Variants in HPSE observed in about 807,000 individuals in gnomAD.
HPSE encodes the protein endo-glucoronidase.
HPSE carries 48 observed loss-of-function variants against 65.1 expected under a neutral mutation model. The observed-to-expected ratio is 0.74, with a 90% CI of 0.58 to 0.94. The LOEUF (loss-of-function observed/expected upper bound fraction) is 0.94. Among genes scored for constraint, HPSE ranks in the 40% least tolerant of loss-of-function variants. The pLI is 0.00. For synonymous variants in HPSE, 243 were observed against 260.0 expected (o/e 0.93, Z 0.63); for missense variants, 644 against 637.5 (o/e 1.01, Z -0.11).
In HPSE at chr4:83,313,032, AAAAAAAAAAGAAAAAG is replaced by A. The variant is rs1736472819; in HGVS notation, c.673+66_673+81del. On this transcript the variant is annotated intron_variant, in intron 4 of 11. Coordinates refer to ENST00000311412, the MANE Select transcript of HPSE (RefSeq NM_001098540.3). ...GCGAGACTCTGTCTCAAAAAAAAAA[AAAAAAAAAAGAAAAAG>A]AAAAGAAAAGAAATAATGCTAGTGG... 7.8e-6 allele frequency: 8 copies of A among 1,028,516 alleles called. No individual in the cohort carries two copies. In the African/African-American group the frequency reaches 8.3e-5, roughly 11 times the overall value. The allele number at this position is 1,028,516 out of a possible 1,614,324, so 63.7% of individuals were successfully genotyped here.
chr4:83,295,580 T>C (rs543399017), intron 11 of HPSE, 77 bp from the exon 12 acceptor site: 3 of 1,244,292 alleles, frequency 2.4e-6, no homozygotes, highest in Non-Finnish European at 1.1e-6. Context: ...TCATGAAATC[T>C]TTTTTAGACC....
Position 83,322,835 on chromosome 4 carries a change from GTGTT to G in HPSE, c.228-475_228-472del, listed in dbSNP as rs1346692680. On this transcript the variant is annotated intron_variant, in intron 1 of 11. Coordinates refer to ENST00000311412, the MANE Select transcript of HPSE (RefSeq NM_001098540.3). ...TGTGTGTGTGTGTGTGTGTGTGTGTGTGTTTGTGTGTGGAGGGATGGGGTCTTGC... is the reference window on the plus strand; with the variant it reads ...TGTGTGTGTGTGTGTGTGTGTGTGTGTGTGTGTGGAGGGATGGGGTCTTGC... 4.0e-3 allele frequency among the ~76,000 whole-genome samples: 574 copies of G among 142,670 alleles called. 3 individuals are homozygous for G. Among genetic ancestry groups the G allele is most frequent in the African/African-American group, 0.013 (454 of 35,682 alleles). 93.6% of individuals were successfully genotyped at this position (142,670 alleles called of 152,430 possible).
chr4:83,319,285 C>A (rs763068415), intron 3 of HPSE, 59 bp downstream of exon 3: 2 of 1,574,922 alleles, frequency 1.3e-6, no homozygotes, highest in South Asian at 1.1e-5. Context: ...GTGCCCGAGT[C>A]CAACCTATTC....
chr4:83,332,748 T>C (rs374616287), intron 1 of HPSE, among the ~76,000 whole-genome samples: 4 of 152,248 alleles, frequency 2.6e-5, no homozygotes, highest in African/African-American at 9.6e-5. Context: ...GCCCAGATCC[T>C]GGAAGTCCCA....
chr4:83,307,079 T>G (rs1022362255), intron 8 of HPSE, among the ~76,000 whole-genome samples: 2 of 152,116 alleles, frequency 1.3e-5, no homozygotes, highest in Admixed American at 1.3e-4. Flanking sequence ...ACCAGCACTC[T>G]CCACTTCCTA....
At chr4:83,295,710 G>C (rs1291157235) in intron 11 of HPSE, among the ~76,000 whole-genome samples, 1 of 152,084 alleles carries the variant, frequency 6.6e-6, no homozygotes, top group African/African-American at 2.4e-5. Flanking sequence ...AGTTATGATA[G>C]AGACCATATG....
In HPSE at chr4:83,313,208, T is replaced by C; in HGVS notation, c.579A>G (p.Arg193=). 1 of 1,613,948 alleles carries C rather than the reference T, an allele frequency of 6.2e-7. No individual in the cohort carries two copies. The highest frequency in any genetic ancestry group is 8.5e-7 in the Non-Finnish European group (1 of 1,179,892). The change falls in exon 4 of 12, where the codon AGA becomes AGG. Residue 193 remains arginine, a synonymous_variant. Coordinates refer to ENST00000311412, the MANE Select transcript of HPSE (RefSeq NM_001098540.3). ...AACTGTTCCACTGCAAATCTGCTGT[T>C]CTTAATAACGCATTTAGGCCAAAGA... is the stretch of plus-strand genomic sequence containing the variant. ...DLIFGLNALL[R]TADLQWNSSN...
intron 9 of HPSE, among the ~76,000 whole-genome samples, chr4:83,304,890 T>C (rs1459521478): frequency 6.6e-6 from 1 of 152,108 alleles, no homozygotes; most frequent in African/African-American, 2.4e-5. Context: ...AAGCAGGATT[T>C]GAATGGGATT....
chr4:83,298,327 G>T (rs1735806533), intron 11 of HPSE, among the ~76,000 whole-genome samples: 1 of 152,156 alleles, frequency 6.6e-6, no homozygotes, highest in South Asian at 2.1e-4. Context: ...ATAAAATACG[G>T]CCTTTATGTT....
In HPSE at chr4:83,311,127, A is replaced by T. The variant is rs922765065; in HGVS notation, c.674-237T>A. Among the ~76,000 whole-genome samples the T allele has an allele frequency of 3.7e-4, 56 of 150,976 alleles. 2 individuals carry two copies. Among genetic ancestry groups the T allele is most frequent in the Non-Finnish European group, 1.0e-4 (7 of 67,468 alleles). ...AGTTTGAGACCACTCTGGGTAACAT[A>T]GTAAAGCCCTGTTCCATGGGGAAAA... On this transcript the variant is annotated intron_variant, in intron 4 of 11. Coordinates refer to ENST00000311412, the MANE Select transcript of HPSE (RefSeq NM_001098540.3).
intron 4 of HPSE, 61 bp from the exon 5 acceptor site, chr4:83,310,951 T>C (rs6535455): frequency 0.78 from 1,038,745 of 1,324,120 alleles, 407,992 homozygotes; most frequent in African/African-American, 0.85. Context: ...AGCAAACATA[T>C]AGCAGTATTT....
At chr4:83,298,849 T>C (rs555655113) in intron 11 of HPSE, among the ~76,000 whole-genome samples, 14 of 152,124 alleles carry the variant, frequency 9.2e-5, no homozygotes, top group African/African-American at 3.4e-4. Flanking sequence ...ATAATGATAG[T>C]AATAATTTTT....
chr4:83,326,573 G>A lies in HPSE; in HGVS notation c.228-4209C>T, dbSNP rs772355502. ...TTCCATCCATCAGGCGCTTCGCCCT[G>A]TGTGTCTGGAACTCAGGAGACACAT... is the stretch of plus-strand genomic sequence containing the variant. On this transcript the variant is annotated intron_variant, in intron 1 of 11. Transcript: ENST00000311412. This position sits in a 1 kb window ranked among gnomAD's most constrained non-coding sequence, Gnocchi z 4.2. Among the ~76,000 whole-genome samples the A allele has an allele frequency of 2.6e-5, 4 of 152,208 alleles. No homozygotes were observed. Among genetic ancestry groups the A allele is most frequent in the African/African-American group, 9.7e-5 (4 of 41,440 alleles).
chr4:83,302,382 TG>T (rs1403405167), intron 9 of HPSE, 114 bp from the exon 10 acceptor site: 1 of 655,466 alleles, frequency 1.5e-6, no homozygotes, highest in Non-Finnish European at 2.7e-6. Context: ...ACTGTTATCC[TG>T]GGGGCATTTA....
At position 83,310,749 on chromosome 4, in the gene HPSE, C is replaced by T. The variant is rs756139166; in HGVS notation, c.815G>A (p.Arg272Gln). 20 of 1,613,260 alleles carry T rather than the reference C, an allele frequency of 1.2e-5. No homozygotes were observed. The highest frequency in any genetic ancestry group is 1.4e-5 in the Non-Finnish European group (16 of 1,179,768). Reference sequence around the variant, plus strand: ...CTTCAGCATCTTAGCCGTCTTTCTTCGAGGCTGACCAACATCAGGACCATA... The same window carrying T: ...CTTCAGCATCTTAGCCGTCTTTCTTTGAGGCTGACCAACATCAGGACCATA... ...KLYGPDVGQP[R>Q]RKTAKMLKSF... The change falls in exon 5 of 12, where the codon CGA becomes CAA. Residue 272 changes from arginine (R) to glutamine (Q), a missense_variant. Arg to Gln is a conservative substitution (Grantham distance 43). Coordinates refer to ENST00000311412, the MANE Select transcript of HPSE (RefSeq NM_001098540.3).
At chr4:83,330,860 C>T (rs1737336347) in intron 1 of HPSE, among the ~76,000 whole-genome samples, 2 of 152,182 alleles carry the variant, frequency 1.3e-5, no homozygotes, top group Admixed American at 6.5e-5. Flanking sequence ...CAGATCTGTA[C>T]TGTCCACTAC....
chr4:83,300,512 A>G (rs1277920273), intron 11 of HPSE, among the ~76,000 whole-genome samples: 6 of 152,200 alleles, frequency 3.9e-5, no homozygotes, highest in Non-Finnish European at 8.8e-5. Flanking sequence ...AGGGTGAGTT[A>G]TACTCATATT....
chr4:83,308,395 A>G (rs1040347003), intron 8 of HPSE, among the ~76,000 whole-genome samples: 10 of 149,640 alleles, frequency 6.7e-5, no homozygotes, highest in South Asian at 4.5e-4. Context: ...GACAGAGGGG[A>G]AAAAAAAAGA....
In HPSE at chr4:83,300,707, T is replaced by C. The variant is rs1735909059; in HGVS notation, c.1472+253A>G. Among the ~76,000 whole-genome samples, 2 of 65,432 alleles carry C rather than the reference T, an allele frequency of 3.1e-5. 1 individual carries two copies. Among genetic ancestry groups the C allele is most frequent in the Admixed American group, 4.0e-4 (2 of 5,018 alleles). 42.9% of individuals were successfully genotyped at this position (65,432 alleles called of 152,430 possible). Reference sequence around the variant, plus strand: ...GCGGGCGCCTGTAGTCCCAGCTACTTGGGAGGCTGAGGCAGGAGAATGGCG... The same window carrying C: ...GCGGGCGCCTGTAGTCCCAGCTACTCGGGAGGCTGAGGCAGGAGAATGGCG... On this transcript the variant is annotated intron_variant, in intron 11 of 11. Coordinates refer to ENST00000311412, the MANE Select transcript of HPSE (RefSeq NM_001098540.3).
Sources: allele counts gnomAD v4.1 joint callset (sites outside exome capture counted in the v4.1 genomes callset), GRCh38; gene constraint gnomAD v4.1.1; non-coding constraint Gnocchi (gnomAD v3.1); transcripts MANE v1.5; gene names NCBI Gene and HGNC (gene_info 2026-07-23, HGNC 2026-07-21).